Variants in KIAA1217 observed in about 807,000 individuals in gnomAD.
KIAA1217 encodes sickle tail protein homolog.
A neutral mutation model predicts 163.9 loss-of-function variants in KIAA1217; 88 were observed. That is an observed-to-expected ratio of 0.54 (90% CI 0.45 to 0.64). The LOEUF (loss-of-function observed/expected upper bound fraction) is 0.64. KIAA1217 is among the 30% of genes least tolerant of loss of function. KIAA1217 has a pLI of 0.00. For missense variants in KIAA1217, 2,372 were observed against 2,475.0 expected (o/e 0.96, Z 0.88); for synonymous variants, 903 against 923.1 (o/e 0.98, Z 0.39).
rs376785989 is a variant in KIAA1217 at position 24,517,787 on chromosome 10, G to C, written c.2178-2336G>C. ...AGGTGGGTAGATCACTTGAGGTCAG[G>C]AGTTAGAGACCAGTCTGGCCAACAT... On this transcript the variant is annotated intron_variant, in intron 10 of 20. Coordinates refer to ENST00000376454, the MANE Select transcript of KIAA1217 (RefSeq NM_019590.5). Among the ~76,000 whole-genome samples the C allele has an allele frequency of 1.3e-3, 195 of 152,310 alleles. 3 individuals are homozygous for C. The South Asian group carries it at 0.04, about 31-fold the overall frequency.
chr10:23,945,515 G>A (rs1408621759), intron 1 of KIAA1217, among the ~76,000 whole-genome samples: 2 of 152,130 alleles, frequency 1.3e-5, no homozygotes, highest in African/African-American at 4.8e-5. Flanking sequence ...AGGAATGATG[G>A]AACTGTTCTG....
chr10:23,940,404 G>A (rs1206611225), intron 1 of KIAA1217, among the ~76,000 whole-genome samples: 1 of 140,678 alleles, frequency 7.1e-6, no homozygotes, highest in African/African-American at 2.7e-5. Context: ...AGTTTGCAGT[G>A]AGCCGAGATT....
chr10:24,081,152 A>G (rs2061525434), intron 2 of KIAA1217, among the ~76,000 whole-genome samples: 1 of 152,242 alleles, frequency 6.6e-6, no homozygotes, highest in Non-Finnish European at 1.5e-5. Context: ...ACAAAGAGAC[A>G]AGGGTAAAAA....
At chr10:23,957,368 C>G (rs1443394257) in intron 1 of KIAA1217, among the ~76,000 whole-genome samples, 4 of 152,162 alleles carry the variant, frequency 2.6e-5, no homozygotes, top group Non-Finnish European at 5.9e-5. Context: ...ACCCTGACTT[C>G]ACCTAGCTAA....
intron 3 of KIAA1217, among the ~76,000 whole-genome samples, chr10:24,426,951 G>T (rs1161487138): frequency 6.6e-6 from 1 of 152,150 alleles, no homozygotes; most frequent in African/African-American, 2.4e-5. Flanking sequence ...TTTAGAAGAT[G>T]TCCCACATTC....
At chr10:23,810,056 T>C (rs993081043) in intron 1 of KIAA1217, among the ~76,000 whole-genome samples, 1 of 151,954 alleles carries the variant, frequency 6.6e-6, no homozygotes, top group South Asian at 2.1e-4. Flanking sequence ...CGTAGGCCAA[T>C]GTAAGTGTTC....
rs537095149 is a variant in KIAA1217 at position 24,521,736 on chromosome 10, T to C, written c.2309-46T>C. On this transcript the variant is annotated intron_variant, in intron 11 of 20. Transcript: ENST00000376454. ...TCGGAGTGCGGGATGAGGGTTGTCG[T>C]TCTGGCTTTTTCTCCTCCAATTCAC... is the stretch of plus-strand genomic sequence containing the variant. 2.3e-5 allele frequency: 36 copies of C among 1,592,100 alleles called. No individual in the cohort carries two copies. The East Asian group carries it at 7.9e-4, about 35-fold the overall frequency.
At chr10:24,364,875 T>C (rs2050552902) in intron 2 of KIAA1217, among the ~76,000 whole-genome samples, 1 of 151,968 alleles carries the variant, frequency 6.6e-6, no homozygotes, top group African/African-American at 2.4e-5. Flanking sequence ...CTGTACTCAC[T>C]GCACCCTCGA....
chr10:24,062,479 T>C (rs897965515), intron 2 of KIAA1217, among the ~76,000 whole-genome samples: 14 of 151,698 alleles, frequency 9.2e-5, no homozygotes, highest in African/African-American at 3.2e-4. Context: ...CATCATTTTT[T>C]ATGGCTGCAT....
chr10:23,906,960 C>A (rs1056767294), intron 1 of KIAA1217, among the ~76,000 whole-genome samples: 1 of 152,002 alleles, frequency 6.6e-6, no homozygotes, highest in African/African-American at 2.4e-5. Context: ...TTATAAGAAG[C>A]AAAACTACCT....
At chr10:24,083,829 G>A (rs181411102) in intron 2 of KIAA1217, among the ~76,000 whole-genome samples, 39 of 152,288 alleles carry the variant, frequency 2.6e-4, no homozygotes, top group African/African-American at 8.9e-4. Flanking sequence ...TGTGTAATGA[G>A]TGCATGATGA....
chr10:24,498,552 G>C (rs1042192168), intron 8 of KIAA1217, among the ~76,000 whole-genome samples: 3 of 152,186 alleles, frequency 2.0e-5, no homozygotes, highest in African/African-American at 7.2e-5. Flanking sequence ...GCTTGGCATG[G>C]TGACCCACGC....
intron 1 of KIAA1217, among the ~76,000 whole-genome samples, chr10:23,859,656 C>T (rs16923981): frequency 6.6e-6 from 1 of 152,070 alleles, no homozygotes; most frequent in African/African-American, 2.4e-5. Context: ...AACTTTGTTA[C>T]TTTTGGCCAT....
chr10:24,049,032 A>C (rs1849283807), intron 2 of KIAA1217, among the ~76,000 whole-genome samples: 2 of 52,654 alleles, frequency 3.8e-5, no homozygotes, highest in Non-Finnish European at 5.9e-5. Flanking sequence ...CTCTGTCTCA[A>C]AAAAAAAAAA....
intron 1 of KIAA1217, among the ~76,000 whole-genome samples, chr10:23,885,727 G>A (rs140424501): frequency 1.9e-4 from 29 of 152,006 alleles, no homozygotes; most frequent in African/African-American, 7.0e-4. Context: ...CCAGGGACAC[G>A]TGGCAGTCAA....
intron 2 of KIAA1217, among the ~76,000 whole-genome samples, chr10:24,117,045 T>G (rs866482216): frequency 8.3e-5 from 10 of 119,880 alleles, no homozygotes; most frequent in East Asian, 7.8e-4. Flanking sequence ...GTTTTTTTTT[T>G]GGGTGGGGGG....
intron 1 of KIAA1217, among the ~76,000 whole-genome samples, chr10:23,899,938 C>A (rs1482801209): frequency 6.6e-6 from 1 of 151,606 alleles, no homozygotes; most frequent in Non-Finnish European, 1.5e-5. Context: ...CTTCTTCCCT[C>A]CCTTCCTCTC....
intron 1 of KIAA1217, among the ~76,000 whole-genome samples, chr10:23,789,155 T>C (rs1285757224): frequency 6.6e-6 from 1 of 152,006 alleles, no homozygotes; most frequent in South Asian, 2.1e-4. Context: ...TAACTTCTAT[T>C]TTATTAAGGT....
chr10:24,185,886 C>T (rs562960248), intron 2 of KIAA1217, among the ~76,000 whole-genome samples: 2 of 151,976 alleles, frequency 1.3e-5, no homozygotes, highest in East Asian at 3.9e-4. Flanking sequence ...ATCGCTGGAA[C>T]CTGGGAGGCA....
Sources: allele counts gnomAD v4.1 joint callset (sites outside exome capture counted in the v4.1 genomes callset), GRCh38; gene constraint gnomAD v4.1.1; transcripts MANE v1.5; gene names NCBI Gene and HGNC (gene_info 2026-07-23, HGNC 2026-07-21).